DIXDC1: variants seen among roughly 807,000 people sequenced by gnomAD.
DIXDC1 encodes the protein DIX domain containing 1.
A neutral mutation model predicts 103.1 loss-of-function variants in DIXDC1; 64 were observed. That is an observed-to-expected ratio of 0.62 (90% CI 0.51 to 0.76). DIXDC1 has a LOEUF of 0.76. Among genes scored for constraint, DIXDC1 ranks in the 30% least tolerant of loss-of-function variants. The pLI is 0.00. For missense variants in DIXDC1, 759 were observed against 834.2 expected, an observed-to-expected ratio of 0.91 and a Z score of 1.11; for synonymous variants, 266 against 298.5, an observed-to-expected ratio of 0.89 and a Z score of 1.12.
At chr11:112,014,938 G>A (rs1328246258) in intron 17 of DIXDC1, among the ~76,000 whole-genome samples, 5 of 151,486 alleles carry the variant, frequency 3.3e-5, no homozygotes, top group African/African-American at 7.3e-5. Flanking sequence ...AGGCTGGAGT[G>A]CAGTGGCTCG....
chr11:111,946,395 T>C (rs1966598403), intron 1 of DIXDC1, among the ~76,000 whole-genome samples: 1 of 152,070 alleles, frequency 6.6e-6, no homozygotes, highest in Non-Finnish European at 1.5e-5. Flanking sequence ...GGCTAATTTT[T>C]GTATTTTTAT....
chr11:111,955,982 A>ATG (rs1859345327), intron 1 of DIXDC1, among the ~76,000 whole-genome samples: 2 of 141,702 alleles, frequency 1.4e-5, no homozygotes, highest in Admixed American at 1.4e-4. Context: ...GCATATATAT[A>ATG]TGTGTACACA....
At chr11:111,937,128 G>GGGT, upstream of DIXDC1, 1 of 684,142 alleles carries the variant, frequency 1.5e-6, no homozygotes, top group Non-Finnish European at 1.7e-6. Flanking sequence ...GCTGCGGCCC[G>GGGT]GGCGGGGGGG....
chr11:112,012,704 A>G (rs1178402276), intron 17 of DIXDC1, among the ~76,000 whole-genome samples: 1 of 152,178 alleles, frequency 6.6e-6, no homozygotes. Flanking sequence ...CGTGTTTTTT[A>G]TAGTAATGCC....
Position 111,958,836 on chromosome 11 carries a change from G to C in DIXDC1, c.61-5713G>C, listed in dbSNP as rs1453086523. 1.3e-5 allele frequency among the ~76,000 whole-genome samples: 2 copies of C among 152,198 alleles called. No individual in the cohort carries two copies. Among genetic ancestry groups the C allele is most frequent in the African/African-American group, 2.4e-5 (1 of 41,440 alleles). ...CCCATCAAAACCCCAGACTCAACCA[G>C]ACTTGGAAAATGATGGGACGACCTG... is the stretch of plus-strand genomic sequence containing the variant. On this transcript the variant is annotated intron_variant, in intron 1 of 19. Coordinates refer to ENST00000440460, the MANE Select transcript of DIXDC1 (RefSeq NM_001037954.4). This position sits in a 1 kb window ranked among gnomAD's most constrained non-coding sequence, Gnocchi z 4.2.
At chr11:112,013,083 C>T (rs1164938655) in intron 17 of DIXDC1, among the ~76,000 whole-genome samples, 1 of 152,094 alleles carries the variant, frequency 6.6e-6, no homozygotes, top group East Asian at 1.9e-4. Flanking sequence ...GATCAGGTTG[C>T]CAGCATGGCC....
intron 17 of DIXDC1, among the ~76,000 whole-genome samples, chr11:112,005,111 A>G (rs1861194728): frequency 6.6e-6 from 1 of 152,258 alleles, no homozygotes; most frequent in South Asian, 2.1e-4. Context: ...TAAAGGCTGT[A>G]GTGAAAATGT....
At chr11:111,978,205 T>C (rs1860182826) in intron 5 of DIXDC1, among the ~76,000 whole-genome samples, 1 of 152,244 alleles carries the variant, frequency 6.6e-6, no homozygotes, top group Non-Finnish European at 1.5e-5. Flanking sequence ...AGTCATTCTC[T>C]GACCTCAGAG....
chr11:112,007,120 A>G (rs12222610), intron 17 of DIXDC1, among the ~76,000 whole-genome samples: 47,365 of 152,108 alleles, frequency 0.31, 8,419 homozygotes, highest in East Asian at 0.58. Context: ...AAATGACCTG[A>G]TGGAGCTGAA....
At chr11:111,936,884 C>A (rs1966204549), upstream of DIXDC1, among the ~76,000 whole-genome samples, 1 of 141,302 alleles carries the variant, frequency 7.1e-6, no homozygotes, top group Non-Finnish European at 1.6e-5. Context: ...GTGTGTGTTG[C>A]GCACCCTCCC....
At chr11:111,957,414 C>T (rs968946417) in intron 1 of DIXDC1, among the ~76,000 whole-genome samples, 5 of 152,118 alleles carry the variant, frequency 3.3e-5, no homozygotes, top group African/African-American at 9.7e-5. Context: ...AATACTAATT[C>T]ATTACAAAGG....
chr11:111,973,851 C>A lies in DIXDC1; in HGVS notation c.317-172C>A, dbSNP rs147913815. Among the ~76,000 whole-genome samples the A allele has an allele frequency of 3.3e-5, 5 of 152,334 alleles. No individual in the cohort carries two copies. The East Asian group carries it at 9.6e-4, about 29-fold the overall frequency. ...ACATGATCTTACTTTATTGTCATTGCTGTTATATATTCGGTCTCCCTTGTT... is the reference window on the plus strand; with the variant it reads ...ACATGATCTTACTTTATTGTCATTGATGTTATATATTCGGTCTCCCTTGTT... On this transcript the variant is annotated intron_variant, in intron 3 of 19. Transcript: ENST00000440460.
At position 111,984,862 on chromosome 11, in the gene DIXDC1, C is replaced by A. The variant is rs141649815; in HGVS notation, c.919-370C>A. Among the ~76,000 whole-genome samples the A allele has an allele frequency of 4.8e-3, 729 of 152,236 alleles. 3 individuals are homozygous for A. The highest frequency in any genetic ancestry group is 0.016 in the African/African-American group (677 of 41,528). On this transcript the variant is annotated intron_variant, in intron 7 of 19. Coordinates refer to ENST00000440460, the MANE Select transcript of DIXDC1 (RefSeq NM_001037954.4). ...ATTCATTATAATACTCATTTCTAAG[C>A]CGTGATGATTCTACACTGCTTTTAG... is the stretch of plus-strand genomic sequence containing the variant.
rs782754472 is a variant in DIXDC1, at chr11:111,942,044, C to T, written c.60+4485C>T. On this transcript the variant is annotated intron_variant, in intron 1 of 19. Transcript: ENST00000440460. ...TTCCAGACATTTTCACAATGAACTC[C>T]TCTGTGCTTTGCTGTAGAAATTAAA... 5.3e-5 allele frequency among the ~76,000 whole-genome samples: 8 copies of T among 152,206 alleles called. 1 individual carries two copies. Among genetic ancestry groups the T allele is most frequent in the Admixed American group, 2.6e-4 (4 of 15,278 alleles).
intron 2 of DIXDC1, among the ~76,000 whole-genome samples, chr11:111,965,764 A>C (rs781830076): frequency 6.6e-6 from 1 of 152,156 alleles, no homozygotes; most frequent in South Asian, 2.1e-4. Flanking sequence ...CAAAATAGCT[A>C]AGCATGCTAT....
At chr11:111,981,549 G>A (rs1339809785) in intron 6 of DIXDC1, among the ~76,000 whole-genome samples, 1 of 152,180 alleles carries the variant, frequency 6.6e-6, no homozygotes, top group Non-Finnish European at 1.5e-5. Context: ...CAAAACTCCT[G>A]AGGCCTTAGA....
At chr11:111,941,872 A>ACACACC (rs1169037989) in intron 1 of DIXDC1, among the ~76,000 whole-genome samples, 13 of 150,934 alleles carry the variant, frequency 8.6e-5, no homozygotes, top group African/African-American at 2.4e-4. Flanking sequence ...ACACACACAC[A>ACACACC]CCCACGAAGA....
At chr11:111,987,708 G>A (rs1289863759) in intron 9 of DIXDC1, among the ~76,000 whole-genome samples, 4 of 145,600 alleles carry the variant, frequency 2.7e-5, no homozygotes, top group East Asian at 2.0e-4. Flanking sequence ...CACCCAGGCC[G>A]GAGTGCAATG....
chr11:111,989,089 G>A (rs782235907), intron 10 of DIXDC1, 34 bp downstream of exon 10: 27 of 1,553,364 alleles, frequency 1.7e-5, no homozygotes, highest in Non-Finnish European at 2.3e-5. Flanking sequence ...TTTAAATAAA[G>A]TCTCTGCAAT....
Sources: gnomAD v4.1 joint callset for allele counts (sites outside exome capture counted in the v4.1 genomes callset) on GRCh38, gnomAD v4.1.1 for gene constraint, Gnocchi (gnomAD v3.1) non-coding constraint, MANE v1.5 for transcripts, NCBI Gene and HGNC (gene_info 2026-07-23, HGNC 2026-07-21) for gene names.